Variants in INTS6 observed in about 807,000 individuals in gnomAD.
The protein encoded by INTS6 is integrator complex subunit 6, also known as DEAD box protein.
Under a neutral mutation model 104.9 loss-of-function variants are expected in INTS6, and 16 were observed. The ratio of observed to expected loss-of-function variants is 0.15; its 90% CI spans 0.10 to 0.23. The LOEUF (loss-of-function observed/expected upper bound fraction) is 0.23, where lower values mean the gene tolerates loss of function less well. Among genes scored for constraint, INTS6 ranks in the 10% least tolerant of loss-of-function variants. The pLI is 1.00. For synonymous variants in INTS6, 324 were observed against 358.7 expected (o/e 0.90, Z 1.09); for missense variants, 584 against 1,062.8 (o/e 0.55, Z 6.26).
rs1345442914 is a variant in INTS6, at chr13:51,389,182, C to T, written c.739+137G>A. On this transcript the variant is annotated intron_variant, in intron 6 of 17. Transcript: ENST00000311234. ...TACCTTGACTTTCCTATTTAATCTT[C>T]CCTCTTTACCAACAGCCTTTCTGTC... 2.9e-5 allele frequency: 22 copies of T among 763,996 alleles called. No individual in the cohort carries two copies. In the South Asian group the frequency reaches 3.2e-4, roughly 11 times the overall value. The allele number at this position is 763,996 out of a possible 1,614,324, so 47.3% of individuals were successfully genotyped here. A position where few individuals can be genotyped will look rare whatever the true frequency, so the allele number is the denominator to read the frequency against.
intron 4 of INTS6, among the ~76,000 whole-genome samples, chr13:51,417,452 C>CTTTTTTTTTT (rs34887995): frequency 2.7e-5 from 3 of 112,578 alleles, no homozygotes; most frequent in South Asian, 2.8e-4. Context: ...TAAGAAAATT[C>CTTTTTTTTTT]TTTTTTTTTT....
At chr13:51,447,810 G>A (rs899201343) in intron 3 of INTS6, 4 of 149,346 alleles carry the variant, frequency 2.7e-5, no homozygotes, top group Admixed American at 6.7e-5. Context: ...TGTAATCCTA[G>A]CACTTTGGGA....
At chr13:51,420,162 T>C (rs1012150934) in intron 4 of INTS6, among the ~76,000 whole-genome samples, 1 of 152,182 alleles carries the variant, frequency 6.6e-6, no homozygotes, top group Non-Finnish European at 1.5e-5. Context: ...AGAATTTCCT[T>C]TGTATAAATT....
At chr13:51,409,636 G>GTAGTA (rs987584448) in intron 4 of INTS6, among the ~76,000 whole-genome samples, 38 of 151,722 alleles carry the variant, frequency 2.5e-4, no homozygotes, top group African/African-American at 9.2e-4. Flanking sequence ...TTCATCATAG[G>GTAGTA]TAGTATTTTT....
At chr13:51,385,468 C>G (rs976552433) in intron 7 of INTS6, among the ~76,000 whole-genome samples, 1 of 152,092 alleles carries the variant, frequency 6.6e-6, no homozygotes, top group Non-Finnish European at 1.5e-5. Context: ...TACGGAGATC[C>G]AAGAGGGAAA....
Position 51,452,561 on chromosome 13 carries a change from G to C in INTS6, c.-36C>G. 1.2e-6 allele frequency: 2 copies of C among 1,601,252 alleles called. No homozygotes were observed. The highest frequency in any genetic ancestry group is 1.7e-6 in the Non-Finnish European group (2 of 1,172,716). On this transcript the variant is annotated 5_prime_UTR_variant, in exon 1 of 18. Coordinates refer to ENST00000311234, the MANE Select transcript of INTS6 (RefSeq NM_012141.3). This position sits in a 1 kb window ranked among gnomAD's most constrained non-coding sequence, Gnocchi z 4.2. The stretch of plus-strand genomic sequence containing the variant: ...GGGGACACCGGGGCCCGAGGTGGTG[G>C]AGAAAGAGGAGATGGTAGAGGTGGA...
chr13:51,401,723 CAGAG>C (rs1189842049), intron 4 of INTS6, among the ~76,000 whole-genome samples: 1 of 152,028 alleles, frequency 6.6e-6, no homozygotes, highest in Non-Finnish European at 1.5e-5. Context: ...AAACAACAAA[CAGAG>C]AGCTTCAGGA....
chr13:51,368,477 T>C lies in INTS6; in HGVS notation c.2476+462A>G, dbSNP rs1354150578. Among the ~76,000 whole-genome samples, 6 of 152,162 alleles carry C rather than the reference T, an allele frequency of 3.9e-5. No individual in the cohort carries two copies. In the East Asian group the frequency reaches 1.2e-3, roughly 29 times the overall value. On this transcript the variant is annotated intron_variant, in intron 16 of 17. Transcript: ENST00000311234. ...AATACTGAACTTTTTCCCACGAAGT[T>C]CTTTTGTGTTCATATACCAGAGAGC...
chr13:51,358,579 G>A (rs1393101293), downstream of INTS6, among the ~76,000 whole-genome samples: 2 of 152,146 alleles, frequency 1.3e-5, no homozygotes, highest in South Asian at 4.2e-4. Flanking sequence ...AAGGCCATTC[G>A]TATAGTGGTA....
intron 4 of INTS6, among the ~76,000 whole-genome samples, chr13:51,411,958 T>C (rs529671461): frequency 1.3e-4 from 20 of 152,352 alleles, no homozygotes; most frequent in African/African-American, 3.8e-4. Context: ...AGCCATACAA[T>C]GGAATATGGC....
exon 4 of INTS6, chr13:51,354,087 T>C (rs532347737): frequency 6.6e-6 from 1 of 152,344 alleles, no homozygotes; most frequent in African/African-American, 2.4e-5. Context: ...TATGAAAATA[T>C]ATTTTATCCA....
chr13:51,338,289 C>G, the INTS6 span, among the ~76,000 whole-genome samples: 1 of 152,228 alleles, frequency 6.6e-6, no homozygotes, highest in Non-Finnish European at 1.5e-5. Flanking sequence ...CGCTCCATCA[C>G]CATCAACATC....
At chr13:51,345,185 A>C in the INTS6 span, among the ~76,000 whole-genome samples, 9 of 152,228 alleles carry the variant, frequency 5.9e-5, no homozygotes, top group African/African-American at 2.2e-4. Flanking sequence ...TCCCCATTCT[A>C]TAAATGGAGA....
chr13:51,337,229 A>G, the INTS6 span, among the ~76,000 whole-genome samples: 21 of 152,230 alleles, frequency 1.4e-4, no homozygotes, highest in Admixed American at 1.3e-4. Flanking sequence ...CAGCCCATAC[A>G]AGCACAAAGG....
chr13:51,428,088 A>AC (rs1957016636), intron 4 of INTS6, among the ~76,000 whole-genome samples: 2 of 152,216 alleles, frequency 1.3e-5, no homozygotes, highest in Admixed American at 1.3e-4. Flanking sequence ...CCCAAAGGGC[A>AC]TTTCTACAAA....
downstream of INTS6, among the ~76,000 whole-genome samples, chr13:51,351,630 T>G (rs1280341550): frequency 6.6e-6 from 1 of 152,150 alleles, no homozygotes; most frequent in Admixed American, 6.5e-5. Flanking sequence ...AAGTTGTTAA[T>G]TTGGATGAAG....
downstream of INTS6, among the ~76,000 whole-genome samples, chr13:51,361,103 A>G (rs893045942): frequency 2.6e-5 from 4 of 151,688 alleles, no homozygotes; most frequent in Non-Finnish European, 5.9e-5. Flanking sequence ...TTTTCCAAAC[A>G]GCTACCTGAG....
chr13:51,372,888 G>C (rs1357236171), intron 15 of INTS6, among the ~76,000 whole-genome samples: 1 of 152,170 alleles, frequency 6.6e-6, no homozygotes, highest in Non-Finnish European at 1.5e-5. Context: ...TATACAGTCA[G>C]TGTCCATACT....
intron 15 of INTS6, among the ~76,000 whole-genome samples, chr13:51,372,854 G>C (rs1444014649): frequency 6.6e-6 from 1 of 152,174 alleles, no homozygotes; most frequent in Non-Finnish European, 1.5e-5. Flanking sequence ...TCCTGTGCAT[G>C]CACAATTATT....
Sources: allele counts gnomAD v4.1 joint callset (sites outside exome capture counted in the v4.1 genomes callset), GRCh38; gene constraint gnomAD v4.1.1; non-coding constraint Gnocchi (gnomAD v3.1); transcripts MANE v1.5; gene names NCBI Gene and HGNC (gene_info 2026-07-23, HGNC 2026-07-21).